Variants in PAN3 observed in about 807,000 individuals in gnomAD.
PAN3 encodes PAN2-PAN3 deadenylation complex subunit PAN3.
Under a neutral mutation model 96.2 loss-of-function variants are expected in PAN3, and 19 were observed. The observed-to-expected ratio is 0.20, with a 90% confidence interval of 0.14 to 0.29. The LOEUF is 0.29. PAN3 is among the 10% of genes least tolerant of loss of function. The pLI, the probability that PAN3 is intolerant of heterozygous loss-of-function variation, is 1.00. For synonymous variants in PAN3, 433 were observed against 406.6 expected, an observed-to-expected ratio of 1.06 and a Z score of -0.78; for missense variants, 882 against 1,108.1, an observed-to-expected ratio of 0.80 and a Z score of 2.90.
intron 6 of PAN3, among the ~76,000 whole-genome samples, chr13:28,249,886 A>T (rs1182840276): frequency 6.6e-6 from 1 of 152,158 alleles, no homozygotes; most frequent in African/African-American, 2.4e-5. Context: ...CTTACATTCC[A>T]TGCCTTTTAA....
intron 17 of PAN3, among the ~76,000 whole-genome samples, chr13:28,284,318 T>G (rs1868687765): frequency 6.6e-6 from 1 of 152,168 alleles, no homozygotes; most frequent in South Asian, 2.1e-4. Context: ...ATTTTTATTT[T>G]CAATTGGATT....
chr13:28,142,426 C>T (rs1434848557), intron 1 of PAN3, among the ~76,000 whole-genome samples: 1 of 151,834 alleles, frequency 6.6e-6, no homozygotes, highest in African/African-American at 2.4e-5. Flanking sequence ...CTTGACTTCT[C>T]AAAGTACTGG....
At chr13:28,207,481 C>T (rs1393937903) in intron 5 of PAN3, among the ~76,000 whole-genome samples, 2 of 152,136 alleles carry the variant, frequency 1.3e-5, no homozygotes, top group African/African-American at 2.4e-5. Context: ...CCAAGCTGCT[C>T]CTTGCTCTTG....
At chr13:28,206,465 A>G (rs1879378425) in intron 5 of PAN3, among the ~76,000 whole-genome samples, 1 of 151,736 alleles carries the variant, frequency 6.6e-6, no homozygotes, top group Admixed American at 6.6e-5. Context: ...CTGGGACTAC[A>G]GGCTGCACCA....
At chr13:28,167,861 A>G (rs992185171) in intron 1 of PAN3, among the ~76,000 whole-genome samples, 4 of 152,014 alleles carry the variant, frequency 2.6e-5, no homozygotes, top group African/African-American at 9.7e-5. Context: ...CAAACAAACA[A>G]ATCTTTAATT....
At chr13:28,223,773 A>G (rs1359043900) in intron 6 of PAN3, among the ~76,000 whole-genome samples, 1 of 151,950 alleles carries the variant, frequency 6.6e-6, no homozygotes, top group Non-Finnish European at 1.5e-5. Context: ...TGGCTTAGGC[A>G]GAGGGTTTTT....
chr13:28,198,569 A>T lies in PAN3; in HGVS notation c.852+1223A>T, dbSNP rs951560562. ...CAGGTAGTTTCTATATAATATTTTG[A>T]AGTACCAACAAAAAAATTTATATGC... On this transcript the variant is annotated intron_variant, in intron 5 of 18. Coordinates refer to ENST00000380958, the MANE Select transcript of PAN3 (RefSeq NM_175854.8). 2.0e-5 allele frequency among the ~76,000 whole-genome samples: 3 copies of T among 152,326 alleles called. 1 individual carries two copies. The South Asian group carries it at 6.2e-4, about 32-fold the overall frequency.
chr13:28,223,928 T>A (rs1202988617), intron 6 of PAN3, among the ~76,000 whole-genome samples: 1 of 137,882 alleles, frequency 7.3e-6, no homozygotes, highest in Non-Finnish European at 1.5e-5. Flanking sequence ...TCTCCCAGGC[T>A]GGAGTGCGTG....
chr13:28,260,602 G>A, intron 8 of PAN3, 51 bp downstream of exon 8: 3 of 1,373,778 alleles, frequency 2.2e-6, no homozygotes, highest in South Asian at 1.2e-5. Context: ...CTGTGCTTTA[G>A]TGAACAGGGG....
At chr13:28,156,992 CAAAAAAAAAAAAAAAAAA>C (rs35448291) in intron 1 of PAN3, among the ~76,000 whole-genome samples, 39 of 18,454 alleles carry the variant, frequency 2.1e-3, no homozygotes, top group Non-Finnish European at 8.9e-4. Context: ...GAGACCCTGT[CAAAAAAAAAAAAAAAAAA>C]AAAAAAAAAG....
chr13:28,261,013 C>T (rs561935535), intron 8 of PAN3, among the ~76,000 whole-genome samples: 1 of 152,164 alleles, frequency 6.6e-6, no homozygotes, highest in East Asian at 1.9e-4. Flanking sequence ...TGTAGAATTT[C>T]ACTTTACACT....
intron 1 of PAN3, among the ~76,000 whole-genome samples, chr13:28,166,932 C>T (rs758106370): frequency 6.6e-6 from 1 of 152,180 alleles, no homozygotes; most frequent in Non-Finnish European, 1.5e-5. Flanking sequence ...GTGCTCAAGG[C>T]TCTGCCATTG....
intron 4 of PAN3, among the ~76,000 whole-genome samples, chr13:28,191,130 C>G (rs757510188): frequency 6.6e-6 from 1 of 152,164 alleles, no homozygotes; most frequent in Non-Finnish European, 1.5e-5. Context: ...TTTGTTTGCT[C>G]TGAAGGAGGG....
intron 4 of PAN3, among the ~76,000 whole-genome samples, chr13:28,189,733 G>T (rs891826209): frequency 6.6e-6 from 1 of 152,126 alleles, no homozygotes; most frequent in African/African-American, 2.4e-5. Context: ...GCGATCACCA[G>T]ACCAGGAGCA....
chr13:28,166,831 G>C (rs951684939), intron 1 of PAN3, among the ~76,000 whole-genome samples: 1 of 152,152 alleles, frequency 6.6e-6, no homozygotes, highest in African/African-American at 2.4e-5. Flanking sequence ...GAGCCACAGT[G>C]GGGGTAGTCA....
chr13:28,256,163 C>G (rs908644409), intron 6 of PAN3, 129 bp from the exon 7 acceptor site: 3 of 969,534 alleles, frequency 3.1e-6, no homozygotes, highest in Non-Finnish European at 4.6e-6. Context: ...AAAATTATTT[C>G]CTTCATCTTT....
chr13:28,245,395 T>C (rs2138523933), intron 6 of PAN3, among the ~76,000 whole-genome samples: 1 of 152,064 alleles, frequency 6.6e-6, no homozygotes, highest in Non-Finnish European at 1.5e-5. Context: ...GGGTTCCTTT[T>C]TTTTTTTACA....
chr13:28,178,981 G>GA (rs896044606), intron 4 of PAN3, among the ~76,000 whole-genome samples: 1 of 151,124 alleles, frequency 6.6e-6, no homozygotes, highest in Non-Finnish European at 1.5e-5. Context: ...TTTCTTAAGA[G>GA]AAAAAAAAGT....
intron 15 of PAN3, among the ~76,000 whole-genome samples, chr13:28,278,581 G>T (rs1887231941): frequency 6.6e-6 from 1 of 151,686 alleles, no homozygotes; most frequent in Non-Finnish European, 1.5e-5. Context: ...TTAAAAAAAT[G>T]AATAAACAAA....
Sources: gnomAD v4.1 joint callset for allele counts (sites outside exome capture counted in the v4.1 genomes callset) on GRCh38, gnomAD v4.1.1 for gene constraint, MANE v1.5 for transcripts, NCBI Gene and HGNC (gene_info 2026-07-23, HGNC 2026-07-21) for gene names.